The following GALNT2 variants were observed in gnomAD, a reference collection of about 807,000 sequenced individuals.
GALNT2 encodes the protein polypeptide N-acetylgalactosaminyltransferase 2.
A neutral mutation model predicts 81.4 loss-of-function variants in GALNT2; 31 were observed. The observed-to-expected ratio is 0.38, with a 90% confidence interval of 0.29 to 0.51. The LOEUF (loss-of-function observed/expected upper bound fraction) is 0.51, where lower values mean the gene tolerates loss of function less well. Among genes scored for constraint, GALNT2 ranks in the 20% least tolerant of loss-of-function variants. The pLI is 0.87. For synonymous variants in GALNT2, 303 were observed against 287.4 expected (o/e 1.05, Z -0.55); for missense variants, 629 against 765.7 (o/e 0.82, Z 2.11).
At chr1:230,144,583 TAGGTACCA>T (rs924923503) in intron 1 of GALNT2, among the ~76,000 whole-genome samples, 1 of 152,176 alleles carries the variant, frequency 6.6e-6, no homozygotes, top group African/African-American at 2.4e-5. Context: ...TGTATACTCT[TAGGTACCA>T]AGCACCCACC....
Position 230,235,998 on chromosome 1 carries a change from C to G in GALNT2, c.375-16C>G. Reference sequence around the variant, plus strand: ...TGGGGGTCATTGTTCAGAGGACCATCTTTCTCTTCCTGCAGGTGTCAGCGG... The same window carrying G: ...TGGGGGTCATTGTTCAGAGGACCATGTTTCTCTTCCTGCAGGTGTCAGCGG... On this transcript the variant is annotated splice_polypyrimidine_tract_variant and intron_variant, in intron 3 of 15. Transcript: ENST00000366672. 1 of 1,613,322 alleles carries G rather than the reference C, an allele frequency of 6.2e-7. No individual in the cohort carries two copies. The highest frequency in any genetic ancestry group is 8.5e-7 in the Non-Finnish European group (1 of 1,179,414).
chr1:230,192,934 G>T (rs546348832), intron 2 of GALNT2, among the ~76,000 whole-genome samples: 1 of 152,266 alleles, frequency 6.6e-6, no homozygotes, highest in South Asian at 2.1e-4. Context: ...TAATTGAAAT[G>T]GATCTATTTG....
chr1:230,235,887 T>G (rs1665011199), intron 3 of GALNT2, 127 bp from the exon 4 acceptor site: 1 of 755,792 alleles, frequency 1.3e-6, no homozygotes. Context: ...CAGGAACTTC[T>G]GCAGATAACA....
chr1:230,181,654 C>T (rs1190584898), intron 2 of GALNT2, among the ~76,000 whole-genome samples: 3 of 151,990 alleles, frequency 2.0e-5, no homozygotes, highest in East Asian at 1.9e-4. Flanking sequence ...CCTCCCAAAG[C>T]GCTGGGATTA....
At chr1:230,211,827 A>G (rs371138192) in intron 3 of GALNT2, among the ~76,000 whole-genome samples, 26 of 152,308 alleles carry the variant, frequency 1.7e-4, no homozygotes, top group East Asian at 1.5e-3. Context: ...GTGGGTAGGG[A>G]TGCTATACTT....
intron 1 of GALNT2, among the ~76,000 whole-genome samples, chr1:230,166,618 C>G (rs915120629): frequency 5.3e-5 from 8 of 152,244 alleles, no homozygotes; most frequent in Non-Finnish European, 1.2e-4. Context: ...TGCCTTCTTG[C>G]TGTGACCAGT....
At position 230,243,394 on chromosome 1, in the gene GALNT2, C is replaced by G. The variant is rs370170142; in HGVS notation, c.696C>G (p.His232Gln). Residue 232 changes from histidine (H) to glutamine (Q), a missense_variant, in exon 7 of 16, where the codon CAC (histidine) becomes CAG (glutamine). Physicochemically the swap from His to Gln is conservative, Grantham distance 24. This residue lies in a region of GALNT2 where 360 missense variants were observed against 492.8 expected (regional missense o/e 0.73). Transcript: ENST00000366672. The surrounding 1 kb of genome is among the most constrained non-coding windows in gnomAD (Gnocchi z 4.2). ...FLDSHCECNE[H>Q]WLEPLLERVA... ...ACAGTCACTGCGAGTGTAATGAGCACTGGCTGGAGCCCCTCCTGGAAAGGG... is the reference window on the plus strand; with the variant it reads ...ACAGTCACTGCGAGTGTAATGAGCAGTGGCTGGAGCCCCTCCTGGAAAGGG... 40 of 1,612,648 alleles carry G rather than the reference C, an allele frequency of 2.5e-5. No individual in the cohort carries two copies. Among genetic ancestry groups the G allele is most frequent in the African/African-American group, 5.3e-5 (4 of 75,054 alleles).
At chr1:230,152,068 G>T (rs548864587) in intron 1 of GALNT2, among the ~76,000 whole-genome samples, 108 of 152,282 alleles carry the variant, frequency 7.1e-4, no homozygotes, top group African/African-American at 2.6e-3. Context: ...ACTGTAGCCT[G>T]TCTTATCAGC....
chr1:230,185,259 A>G (rs1193699720), intron 2 of GALNT2, among the ~76,000 whole-genome samples: 1 of 146,946 alleles, frequency 6.8e-6, no homozygotes, highest in Non-Finnish European at 1.5e-5. Context: ...GTCTCTTTAA[A>G]CTGTGCGTGC....
Position 230,262,902 on chromosome 1 carries a change from C to T in GALNT2, c.1230-20C>T. 6.2e-7 allele frequency: 1 copy of T among 1,606,924 alleles called. No homozygotes were observed. The highest frequency in any genetic ancestry group is 8.5e-7 in the Non-Finnish European group (1 of 1,174,164). On this transcript the variant is annotated intron_variant, in intron 12 of 15. Transcript: ENST00000366672. The stretch of plus-strand genomic sequence containing the variant: ...CTATTCTTAAAATTTATAAAGGAAT[C>T]TTATTTCCCTCTTCTCCAGTATTCA...
chr1:230,074,885 G>T (rs1220530700), intron 1 of GALNT2, among the ~76,000 whole-genome samples: 1 of 152,144 alleles, frequency 6.6e-6, no homozygotes, highest in Non-Finnish European at 1.5e-5. Flanking sequence ...GGGTTGTCTG[G>T]TGGAAGAGAT....
chr1:230,269,650 T>C (rs1254746544), intron 14 of GALNT2, among the ~76,000 whole-genome samples: 1 of 152,018 alleles, frequency 6.6e-6, no homozygotes, highest in Non-Finnish European at 1.5e-5. Flanking sequence ...ATTTCAGCAC[T>C]TTAGGAAGCC....
At position 230,275,553 on chromosome 1, in the gene GALNT2, G is replaced by A. The variant is rs148974166; in HGVS notation, c.1560+989G>A. ...GCCACATAGATATACATATATAAAC[G>A]CCACATATATATACATATAAACACA... On this transcript the variant is annotated intron_variant, in intron 15 of 15. Transcript: ENST00000366672. The surrounding 1 kb of genome is among the most constrained non-coding windows in gnomAD (Gnocchi z 5.5). Among the ~76,000 whole-genome samples the A allele has an allele frequency of 5.1e-3, 745 of 146,054 alleles. 43 individuals carry two copies. Among genetic ancestry groups the A allele is most frequent in the Admixed American group, 0.045 (665 of 14,692 alleles).
chr1:230,274,989 A>G (rs1409252033), intron 15 of GALNT2, among the ~76,000 whole-genome samples: 3 of 151,846 alleles, frequency 2.0e-5, no homozygotes, highest in Non-Finnish European at 4.4e-5. Context: ...CATGCTACAT[A>G]TATACATATA....
At chr1:230,105,317 ATTGT>A (rs1034369504) in intron 1 of GALNT2, among the ~76,000 whole-genome samples, 3 of 152,106 alleles carry the variant, frequency 2.0e-5, no homozygotes, top group African/African-American at 7.2e-5. Context: ...GGTTTTAGAC[ATTGT>A]TTGGTCAGGA....
intron 1 of GALNT2, among the ~76,000 whole-genome samples, chr1:230,138,965 G>A (rs865815478): frequency 6.6e-6 from 1 of 152,088 alleles, no homozygotes; most frequent in Middle Eastern, 3.2e-3. Flanking sequence ...TCCTGTGACT[G>A]AGAACGCCTA....
rs894567540 is a variant in GALNT2, at chr1:230,279,605, C to T, written c.*147C>T. ...GTCTGAAAGTCAAACTTCGGCAAGG[C>T]ACGGACGACTGTGCAGACACAGCAG... is the stretch of plus-strand genomic sequence containing the variant. On this transcript the variant is annotated 3_prime_UTR_variant, in exon 16 of 16. Coordinates refer to ENST00000366672, the MANE Select transcript of GALNT2 (RefSeq NM_004481.5). This position sits in a 1 kb window ranked among gnomAD's most constrained non-coding sequence, Gnocchi z 4.6. 13 of 1,008,060 alleles carry T rather than the reference C, an allele frequency of 1.3e-5. No individual in the cohort carries two copies. Among genetic ancestry groups the T allele is most frequent in the African/African-American group, 3.2e-5 (2 of 61,718 alleles). 62.4% of individuals were successfully genotyped at this position (1,008,060 alleles called of 1,614,324 possible).
chr1:230,187,314 G>A (rs752469656), intron 2 of GALNT2, among the ~76,000 whole-genome samples: 22 of 152,340 alleles, frequency 1.4e-4, no homozygotes, highest in East Asian at 3.9e-4. Flanking sequence ...GCATATTGCC[G>A]TACAGATTTA....
At chr1:230,228,605 T>C (rs1481637234) in intron 3 of GALNT2, among the ~76,000 whole-genome samples, 1 of 152,082 alleles carries the variant, frequency 6.6e-6, no homozygotes, top group Non-Finnish European at 1.5e-5. Flanking sequence ...ATATGAAGGA[T>C]AGCATGGAAC....
Sources: gnomAD v4.1 joint callset for allele counts (sites outside exome capture counted in the v4.1 genomes callset) on GRCh38, gnomAD v4.1.1 for gene constraint, gnomAD v4.1.1 regional missense constraint, Gnocchi (gnomAD v3.1) non-coding constraint, MANE v1.5 for transcripts, NCBI Gene and HGNC (gene_info 2026-07-23, HGNC 2026-07-21) for gene names.